The following MYO1E variants were observed in gnomAD, a reference collection of about 807,000 sequenced individuals.
MYO1E encodes myosin IE.
A neutral mutation model predicts 151.1 loss-of-function variants in MYO1E; 68 were observed. The ratio of observed to expected loss-of-function variants is 0.45; its 90% CI spans 0.37 to 0.55. The LOEUF (loss-of-function observed/expected upper bound fraction) is 0.55, where lower values mean the gene tolerates loss of function less well. Among genes scored for constraint, MYO1E ranks in the 20% least tolerant of loss-of-function variants. MYO1E has a pLI of 0.00. For missense variants in MYO1E, 1,363 were observed against 1,389.3 expected (o/e 0.98, Z 0.30); for synonymous variants, 601 against 501.7 (o/e 1.20, Z -2.64).
chr15:59,248,127 C>CA (rs138467126), intron 4 of MYO1E, among the ~76,000 whole-genome samples: 16,247 of 35,816 alleles, frequency 0.45, 5,839 homozygotes, highest in African/African-American at 0.49. Flanking sequence ...GACTCCGTCT[C>CA]AAAAAAAAAA....
chr15:59,278,656 G>A (rs2080335632), intron 1 of MYO1E, among the ~76,000 whole-genome samples: 1 of 152,116 alleles, frequency 6.6e-6, no homozygotes, highest in Non-Finnish European at 1.5e-5. Flanking sequence ...TGTCTCTGAA[G>A]CAAGTATGTG....
intron 4 of MYO1E, among the ~76,000 whole-genome samples, chr15:59,238,197 T>C (rs972368736): frequency 1.3e-5 from 2 of 152,210 alleles, no homozygotes; most frequent in Non-Finnish European, 2.9e-5. Flanking sequence ...ATGGGGAAAT[T>C]ATCTTTTCAA....
chr15:59,323,689 G>C (rs1228763313), intron 1 of MYO1E, among the ~76,000 whole-genome samples: 5 of 151,966 alleles, frequency 3.3e-5, no homozygotes, highest in Non-Finnish European at 5.9e-5. Context: ...GGGTGATTTG[G>C]AGAACGGCTG....
chr15:59,277,249 T>C (rs2080324557), intron 1 of MYO1E, among the ~76,000 whole-genome samples: 1 of 152,026 alleles, frequency 6.6e-6, no homozygotes, highest in Non-Finnish European at 1.5e-5. Context: ...GTTAACTAAA[T>C]AAAAATCAAA....
chr15:59,353,228 G>A (rs1041150231), intron 1 of MYO1E, among the ~76,000 whole-genome samples: 19 of 151,358 alleles, frequency 1.3e-4, no homozygotes, highest in African/African-American at 4.4e-4. Context: ...GTAGTGGTGC[G>A]CGCCTGTAGT....
At chr15:59,358,473 GGTGTGAGGGT>G (rs2080867164) in intron 1 of MYO1E, among the ~76,000 whole-genome samples, 1 of 152,074 alleles carries the variant, frequency 6.6e-6, no homozygotes. Context: ...ATGGGTTTGG[GGTGTGAGGGT>G]GTGTGAGAGA....
intron 1 of MYO1E, among the ~76,000 whole-genome samples, chr15:59,343,157 T>G (rs2080775138): frequency 6.6e-6 from 1 of 152,222 alleles, no homozygotes; most frequent in African/African-American, 2.4e-5. Context: ...TCTTTCAGAT[T>G]GAAGAACTCC....
At chr15:59,197,874 A>G (rs531216066) in intron 16 of MYO1E, among the ~76,000 whole-genome samples, 3 of 152,286 alleles carry the variant, frequency 2.0e-5, no homozygotes, top group South Asian at 4.1e-4. Context: ...CCTATTTTTA[A>G]TTTTTGAAAC....
rs1272805516 is a variant in MYO1E at position 59,272,448 on chromosome 15, C to T, written c.5G>A (p.Gly2Glu). 1.2e-6 allele frequency: 2 copies of T among 1,614,124 alleles called. No individual in the cohort carries two copies. The highest frequency in any genetic ancestry group is 1.7e-6 in the Non-Finnish European group (2 of 1,179,980). Reference sequence around the variant, plus strand: ...GTGGTACTGGTAGACACCTTTGCTTCCCTGGGAACATAAAACATACAATTA... The same window carrying T: ...GTGGTACTGGTAGACACCTTTGCTTTCCTGGGAACATAAAACATACAATTA... M[G>E]SKGVYQYHWQ... The change falls in exon 2 of 28, where the codon GGA (glycine) becomes GAA (glutamate). Residue 2 changes from glycine to glutamate, a missense_variant and splice_region_variant. By Grantham distance (98) the Gly-to-Glu change is moderately conservative (BLOSUM62 -2). Coordinates refer to ENST00000288235, the MANE Select transcript of MYO1E (RefSeq NM_004998.4).
intron 21 of MYO1E, among the ~76,000 whole-genome samples, chr15:59,172,403 C>A (rs148562488): frequency 2.0e-5 from 3 of 152,178 alleles, no homozygotes; most frequent in Non-Finnish European, 4.4e-5. Flanking sequence ...ACAATTCACA[C>A]AGTGGACTGC....
chr15:59,169,729 G>A (rs1355657072), intron 22 of MYO1E, among the ~76,000 whole-genome samples: 1 of 152,126 alleles, frequency 6.6e-6, no homozygotes, highest in African/African-American at 2.4e-5. Context: ...ATCCCCAGAG[G>A]CTGTAAAAGA....
At position 59,210,011 on chromosome 15, in the gene MYO1E, T is replaced by G. The variant is rs1321427148; in HGVS notation, c.1362+503A>C. Among the ~76,000 whole-genome samples the G allele has an allele frequency of 4.6e-5, 7 of 151,788 alleles. No individual in the cohort carries two copies. In the East Asian group the frequency reaches 1.2e-3, roughly 26 times the overall value. ...CACCATGCCTGGCTAATTTTTGTATTTAGCTAATACAATTTTTGTATTAGC... is the reference window on the plus strand; with the variant it reads ...CACCATGCCTGGCTAATTTTTGTATGTAGCTAATACAATTTTTGTATTAGC... On this transcript the variant is annotated intron_variant, in intron 13 of 27. Transcript: ENST00000288235.
At chr15:59,207,493 G>A (rs747594356) in intron 14 of MYO1E, 1 of 1,613,976 alleles carries the variant, frequency 6.2e-7, no homozygotes, top group South Asian at 1.1e-5. Flanking sequence ...ACTGATTATT[G>A]TTTCCAATCC....
At chr15:59,206,931 G>C in intron 14 of MYO1E, 1 of 1,605,264 alleles carries the variant, frequency 6.2e-7, no homozygotes, top group Non-Finnish European at 8.5e-7. Context: ...CACTTCTTCA[G>C]TGAGCAGCCA....
chr15:59,147,862 C>T (rs1196844493), intron 26 of MYO1E, among the ~76,000 whole-genome samples: 7 of 152,038 alleles, frequency 4.6e-5, no homozygotes, highest in Admixed American at 3.9e-4. Flanking sequence ...CTAGGCTGCC[C>T]ATTCCCCGCA....
intron 1 of MYO1E, among the ~76,000 whole-genome samples, chr15:59,286,707 C>G (rs1332864730): frequency 6.6e-6 from 1 of 152,146 alleles, no homozygotes; most frequent in South Asian, 2.1e-4. Context: ...CAACGCTGAA[C>G]CAAATGCAGA....
At chr15:59,292,736 C>G (rs1169951073) in intron 1 of MYO1E, among the ~76,000 whole-genome samples, 3 of 152,224 alleles carry the variant, frequency 2.0e-5, no homozygotes, top group African/African-American at 7.2e-5. Context: ...AGTACTACAG[C>G]TACAAACAAG....
At chr15:59,176,306 G>A (rs1596352736) in intron 19 of MYO1E, among the ~76,000 whole-genome samples, 3 of 152,050 alleles carry the variant, frequency 2.0e-5, no homozygotes, top group South Asian at 4.2e-4. Flanking sequence ...GTGATCTGCC[G>A]GCCTCAGCCC....
At chr15:59,302,609 T>A (rs8038385) in intron 1 of MYO1E, among the ~76,000 whole-genome samples, 25,459 of 152,124 alleles carry the variant, frequency 0.17, 3,504 homozygotes, top group African/African-American at 0.38. Flanking sequence ...CACAACTGAT[T>A]TTTTGACTAG....
Sources: gnomAD v4.1 joint callset for allele counts (sites outside exome capture counted in the v4.1 genomes callset) on GRCh38, gnomAD v4.1.1 for gene constraint, MANE v1.5 for transcripts, NCBI Gene and HGNC (gene_info 2026-07-23, HGNC 2026-07-21) for gene names.